Variants in DLGAP1 observed in about 807,000 individuals in gnomAD.
DLGAP1 encodes the protein DLG associated protein 1.
In DLGAP1, 11 loss-of-function variants were observed where a neutral mutation model predicts 90.8. That is an observed-to-expected ratio of 0.12 (90% CI 0.08 to 0.20). DLGAP1 has a LOEUF of 0.20. Ranked by LOEUF, DLGAP1 falls within the 10% of genes least tolerant of loss-of-function variation. The pLI is 1.00. For synonymous variants in DLGAP1, 558 were observed against 540.7 expected, an observed-to-expected ratio of 1.03 and a Z score of -0.44; for missense variants, 1,050 against 1,333.8, an observed-to-expected ratio of 0.79 and a Z score of 3.31.
At chr18:4,077,965 C>G (rs967039792) in intron 2 of DLGAP1, among the ~76,000 whole-genome samples, 30 of 152,140 alleles carry the variant, frequency 2.0e-4, no homozygotes, top group Admixed American at 1.2e-3. Context: ...TGTAAATAGG[C>G]AGAATGCTGA....
chr18:4,198,003 C>T (rs937046081), intron 1 of DLGAP1, among the ~76,000 whole-genome samples: 3 of 151,986 alleles, frequency 2.0e-5, no homozygotes, highest in East Asian at 1.9e-4. Flanking sequence ...GGGCGGATCA[C>T]GAGATCAGGA....
intron 6 of DLGAP1, among the ~76,000 whole-genome samples, chr18:3,738,311 C>T (rs1218458129): frequency 4.8e-5 from 7 of 146,662 alleles, no homozygotes; most frequent in Admixed American, 2.7e-4. Flanking sequence ...GAGCCCGCAT[C>T]GCCAAGTCAA....
chr18:3,541,114 G>A (rs1173134418), intron 9 of DLGAP1, among the ~76,000 whole-genome samples: 1 of 152,220 alleles, frequency 6.6e-6, no homozygotes, highest in Non-Finnish European at 1.5e-5. Flanking sequence ...CAAAGCATGA[G>A]CAGTCTCACT....
intron 7 of DLGAP1, among the ~76,000 whole-genome samples, chr18:3,676,095 A>C: frequency 6.6e-6 from 1 of 152,258 alleles, no homozygotes; most frequent in East Asian, 1.9e-4. Context: ...TGTAAGATCA[A>C]GCTGCAGACA....
chr18:4,072,907 A>G (rs979445284), intron 2 of DLGAP1, among the ~76,000 whole-genome samples: 2 of 152,216 alleles, frequency 1.3e-5, no homozygotes, highest in African/African-American at 4.8e-5. Context: ...AAGATAATTT[A>G]AGTAAGTTGC....
chr18:3,846,045 T>G (rs1598980587), intron 4 of DLGAP1, among the ~76,000 whole-genome samples: 1 of 35,544 alleles, frequency 2.8e-5, no homozygotes, highest in Non-Finnish European at 1.1e-4. Flanking sequence ...GAAAGTGTGG[T>G]GTGTGTGTGT....
intron 2 of DLGAP1, among the ~76,000 whole-genome samples, chr18:4,009,984 C>G (rs2074384956): frequency 6.6e-6 from 1 of 152,208 alleles, no homozygotes; most frequent in Non-Finnish European, 1.5e-5. Flanking sequence ...AAGTCATGAT[C>G]TGCACTACTT....
chr18:3,841,281 T>C (rs1351680374), intron 4 of DLGAP1, among the ~76,000 whole-genome samples: 1 of 152,172 alleles, frequency 6.6e-6, no homozygotes. Flanking sequence ...GCCCAGCTAC[T>C]TTCTCTGTAG....
intron 7 of DLGAP1, among the ~76,000 whole-genome samples, chr18:3,599,727 C>T (rs1411313334): frequency 6.6e-6 from 1 of 152,098 alleles, no homozygotes. Flanking sequence ...TCAAGCGATT[C>T]CCCTGCCTCA....
intron 3 of DLGAP1, among the ~76,000 whole-genome samples, chr18:3,932,558 AG>A (rs1369792544): frequency 2.0e-5 from 3 of 152,134 alleles, no homozygotes; most frequent in Non-Finnish European, 4.4e-5. Context: ...ACGTGGCCAA[AG>A]GGGGTGTGGC....
chr18:4,058,653 T>C (rs1228571866), intron 2 of DLGAP1, among the ~76,000 whole-genome samples: 2 of 152,224 alleles, frequency 1.3e-5, no homozygotes, highest in African/African-American at 4.8e-5. Context: ...CAAATGAACA[T>C]TCCTCTCTTG....
intron 3 of DLGAP1, among the ~76,000 whole-genome samples, chr18:3,931,191 C>T (rs1472764329): frequency 1.3e-5 from 2 of 152,182 alleles, no homozygotes; most frequent in Non-Finnish European, 2.9e-5. Flanking sequence ...GCCGGCATCT[C>T]ACTGGCTGTC....
intron 3 of DLGAP1, among the ~76,000 whole-genome samples, chr18:3,998,090 T>C (rs144118806): frequency 2.0e-5 from 3 of 152,332 alleles, no homozygotes; most frequent in African/African-American, 7.2e-5. Context: ...CAGTCATTGA[T>C]TACCATTGTC....
At chr18:3,771,275 C>G (rs745424173) in intron 5 of DLGAP1, 1 of 152,420 alleles carries the variant, frequency 6.6e-6, no homozygotes, top group East Asian at 1.9e-4. Context: ...TCTCTTCTAA[C>G]CCCTGGGTCT....
chr18:4,388,028 T>G (rs1415725303), intron 1 of DLGAP1, among the ~76,000 whole-genome samples: 1 of 151,880 alleles, frequency 6.6e-6, no homozygotes, highest in Non-Finnish European at 1.5e-5. Context: ...GAAATTGGAC[T>G]GTTCTCTACA....
At chr18:4,330,725 T>C (rs1013389742) in intron 1 of DLGAP1, among the ~76,000 whole-genome samples, 1 of 151,916 alleles carries the variant, frequency 6.6e-6, no homozygotes, top group Non-Finnish European at 1.5e-5. Context: ...TGGTCAGAGA[T>C]TATACTTCAC....
At chr18:3,618,009 C>T (rs1232040062) in intron 7 of DLGAP1, among the ~76,000 whole-genome samples, 2 of 152,066 alleles carry the variant, frequency 1.3e-5, no homozygotes, top group African/African-American at 4.8e-5. Flanking sequence ...TGCCCTCCAG[C>T]CTGGGTGACA....
At chr18:4,213,212 A>C (rs2077883386) in intron 1 of DLGAP1, among the ~76,000 whole-genome samples, 1 of 152,202 alleles carries the variant, frequency 6.6e-6, no homozygotes, top group South Asian at 2.1e-4. Flanking sequence ...AAGGGATTTC[A>C]TCTTTACTCT....
chr18:4,333,086 AATAAAT>A (rs1326814238), intron 1 of DLGAP1, among the ~76,000 whole-genome samples: 1 of 151,994 alleles, frequency 6.6e-6, no homozygotes, highest in Non-Finnish European at 1.5e-5. Context: ...ATTGATGTTT[AATAAAT>A]GACTCCAAAA....
Sources: allele counts gnomAD v4.1 joint callset (sites outside exome capture counted in the v4.1 genomes callset), GRCh38; gene constraint gnomAD v4.1.1; transcripts MANE v1.5; gene names NCBI Gene and HGNC (gene_info 2026-07-23, HGNC 2026-07-21).